SCN3A: variants seen among roughly 807,000 people sequenced by gnomAD.
SCN3A encodes the protein sodium voltage-gated channel alpha subunit 3.
Under a neutral mutation model 187.6 loss-of-function variants are expected in SCN3A, and 60 were observed. That is an observed-to-expected ratio of 0.32 (90% CI 0.26 to 0.40). The LOEUF (loss-of-function observed/expected upper bound fraction) is 0.40, where lower values mean the gene tolerates loss of function less well. Among genes scored for constraint, SCN3A ranks in the 10% least tolerant of loss-of-function variants. SCN3A has a pLI of 1.00. For synonymous variants in SCN3A, 788 were observed against 829.2 expected, an observed-to-expected ratio of 0.95 and a Z score of 0.85; for missense variants, 1,601 against 2,428.2, an observed-to-expected ratio of 0.66 and a Z score of 7.16.
intron 12 of SCN3A, among the ~76,000 whole-genome samples, chr2:165,141,345 TAAAC>T (rs1232366196): frequency 6.6e-6 from 1 of 152,150 alleles, no homozygotes; most frequent in South Asian, 2.1e-4. Flanking sequence ...GAATGGTGGT[TAAAC>T]AAATAGTAAG....
At chr2:165,126,573 T>G in intron 18 of SCN3A, among the ~76,000 whole-genome samples, 1 of 143,796 alleles carries the variant, frequency 7.0e-6, no homozygotes, top group Admixed American at 7.0e-5. Flanking sequence ...TTCCCCTTCC[T>G]TCCTCCCTCC....
chr2:165,183,057 A>C (rs1690990953), intron 2 of SCN3A, among the ~76,000 whole-genome samples: 1 of 152,198 alleles, frequency 6.6e-6, no homozygotes, highest in Non-Finnish European at 1.5e-5. Flanking sequence ...TAAGGAAAAA[A>C]AGTGAAAGGA....
intron 10 of SCN3A, among the ~76,000 whole-genome samples, chr2:165,154,923 T>C (rs997904157): frequency 5.9e-5 from 9 of 152,186 alleles, no homozygotes; most frequent in Non-Finnish European, 1.3e-4. Flanking sequence ...ATAATGCTTT[T>C]ATTAGAGTTC....
chr2:165,126,410 CCTTT>C (rs1400054294), intron 18 of SCN3A, among the ~76,000 whole-genome samples: 2 of 151,158 alleles, frequency 1.3e-5, no homozygotes, highest in African/African-American at 4.9e-5. Context: ...TCCCTCCTTC[CCTTT>C]CTTCTTTCTT....
rs202162785 is a variant in SCN3A at position 165,163,708 on chromosome 2, A to G, written c.604T>C (p.Tyr202His). The change falls in exon 7 of 28, where the codon TAT becomes CAT. Residue 202 changes from tyrosine to histidine, a missense_variant and splice_region_variant. Transcript: ENST00000283254. ...WLDFSVIVMA[Y>H]VTEFVDLGNV... is the part of the protein sequence containing the mutation. The stretch of plus-strand genomic sequence containing the variant: ...CCCAGGTCCACAAACTCTGTCACAT[A>G]TCTGTAATAGGGGAGTTCACACACA... The G allele has an allele frequency of 2.8e-5, 45 of 1,614,072 alleles. No individual in the cohort carries two copies. The highest frequency in any genetic ancestry group is 8.5e-7 in the Non-Finnish European group (1 of 1,179,962).
intron 18 of SCN3A, among the ~76,000 whole-genome samples, chr2:165,122,244 T>TC (rs1229445435): frequency 6.7e-6 from 1 of 149,018 alleles, no homozygotes; most frequent in African/African-American, 2.5e-5. Context: ...TTTTTCTTTT[T>TC]TTTTTTTTTT....
At chr2:165,109,260 T>C (rs962879715) in intron 21 of SCN3A, among the ~76,000 whole-genome samples, 1 of 152,164 alleles carries the variant, frequency 6.6e-6, no homozygotes, top group African/African-American at 2.4e-5. Context: ...ATTTGCAGTC[T>C]CTGCCTAGGT....
intron 17 of SCN3A, 139 bp from the exon 18 acceptor site, chr2:165,128,240 T>C: frequency 1.4e-6 from 1 of 721,178 alleles, no homozygotes; most frequent in Non-Finnish European, 2.2e-6. Flanking sequence ...TCAGATGCCA[T>C]GTCTAAGTCA....
chr2:165,100,537 G>T, intron 21 of SCN3A, 113 bp from the exon 22 acceptor site: 1 of 1,078,000 alleles, frequency 9.3e-7, no homozygotes, highest in Non-Finnish European at 1.4e-6. Flanking sequence ...ACATACCTTG[G>T]CAACTTTCAT....
chr2:165,138,422 T>A (rs904954683), intron 14 of SCN3A, among the ~76,000 whole-genome samples: 3 of 152,196 alleles, frequency 2.0e-5, no homozygotes, highest in African/African-American at 4.8e-5. Flanking sequence ...AAAACAGAAT[T>A]TTAAATAAAC....
rs771018523 is a variant in SCN3A, at chr2:165,092,243, G to A, written c.4807+11C>T. The stretch of plus-strand genomic sequence containing the variant: ...TGTAACTATACCTCTTGGTAATTAA[G>A]CTGTTCTTACCTACAATGGAGAGAA... On this transcript the variant is annotated intron_variant, in intron 27 of 27. Coordinates refer to ENST00000283254, the MANE Select transcript of SCN3A (RefSeq NM_006922.4). The surrounding 1 kb of genome is among the most constrained non-coding windows in gnomAD (Gnocchi z 4.2). The A allele has an allele frequency of 6.2e-6, 10 of 1,613,136 alleles. No individual in the cohort carries two copies. Among genetic ancestry groups the A allele is most frequent in the African/African-American group, 2.7e-5 (2 of 74,874 alleles).
At chr2:165,154,414 A>G (rs1420748014) in intron 11 of SCN3A, 38 bp downstream of exon 11, 1 of 1,601,308 alleles carries the variant, frequency 6.2e-7, no homozygotes, top group Non-Finnish European at 8.6e-7. Context: ...AGAAACTAAT[A>G]ATAATAATGA....
At chr2:165,175,897 G>T (rs1360990216) in intron 3 of SCN3A, among the ~76,000 whole-genome samples, 2 of 152,062 alleles carry the variant, frequency 1.3e-5, no homozygotes, top group African/African-American at 4.8e-5. Context: ...AATTATCACT[G>T]TGAAATTGTA....
intron 5 of SCN3A, among the ~76,000 whole-genome samples, chr2:165,167,370 AT>A (rs35756423): frequency 6.6e-5 from 10 of 151,192 alleles, no homozygotes; most frequent in South Asian, 2.1e-4. Flanking sequence ...TGAAGCTACT[AT>A]TTTTTTTTAA....
rs1476269802 is a variant in SCN3A, at chr2:165,140,343, T to G, written c.2019+308A>C. Among the ~76,000 whole-genome samples the G allele has an allele frequency of 1.3e-5, 2 of 152,096 alleles. No homozygotes were observed. Among genetic ancestry groups the G allele is most frequent in the Non-Finnish European group, 2.9e-5 (2 of 68,012 alleles). The stretch of plus-strand genomic sequence containing the variant: ...TCTTATAGATTTGATGGTGAAAATG[T>G]CCATTATTTGTCTCGGTAGGTCTAC... On this transcript the variant is annotated intron_variant, in intron 13 of 27. Coordinates refer to ENST00000283254, the MANE Select transcript of SCN3A (RefSeq NM_006922.4). The surrounding 1 kb of genome is among the most constrained non-coding windows in gnomAD (Gnocchi z 4.2).
intron 12 of SCN3A, among the ~76,000 whole-genome samples, chr2:165,144,864 C>T (rs546285089): frequency 4.6e-5 from 7 of 151,962 alleles, no homozygotes; most frequent in East Asian, 3.9e-4. Flanking sequence ...ACATAGTTGG[C>T]GATCAATAAA....
chr2:165,117,022 C>T (rs1288211234), intron 18 of SCN3A, among the ~76,000 whole-genome samples: 3 of 147,332 alleles, frequency 2.0e-5, no homozygotes, highest in Non-Finnish European at 3.0e-5. Context: ...ATCTTCTCCT[C>T]TCCTAGGATT....
At position 165,097,305 on chromosome 2, in the gene SCN3A, C is replaced by T. The variant is rs200031995; in HGVS notation, c.4186G>A (p.Val1396Met). ...ALGKQARWKNVKVNFDNVGAG... is the reference protein window; with the variant it reads ...ALGKQARWKNMKVNFDNVGAG... Reference sequence around the variant, plus strand: ...CCAACATTATCAAAGTTTACTTTCACGTTTTTCCACCGAGCTTGCTTGCCA... The same window carrying T: ...CCAACATTATCAAAGTTTACTTTCATGTTTTTCCACCGAGCTTGCTTGCCA... Residue 1396 changes from valine to methionine, a missense_variant, in exon 23 of 28, where the codon GTG becomes ATG. Physicochemically the swap from Val to Met is conservative, Grantham distance 21. Transcript: ENST00000283254. The T allele has an allele frequency of 4.5e-5, 73 of 1,614,062 alleles. No homozygotes were observed. The highest frequency in any genetic ancestry group is 3.3e-4 in the Middle Eastern group (2 of 6,062).
At chr2:165,156,013 T>C in intron 9 of SCN3A, 110 bp from the exon 10 acceptor site, 2 of 1,344,440 alleles carry the variant, frequency 1.5e-6, no homozygotes, top group East Asian at 4.6e-5. Context: ...TGACGAATTA[T>C]CTTGCTTTAA....
Sources: allele counts gnomAD v4.1 joint callset (sites outside exome capture counted in the v4.1 genomes callset), GRCh38; gene constraint gnomAD v4.1.1; non-coding constraint Gnocchi (gnomAD v3.1); transcripts MANE v1.5; gene names NCBI Gene and HGNC (gene_info 2026-07-23, HGNC 2026-07-21).